Variants in ZNF618 observed in about 807,000 individuals in gnomAD.
The protein encoded by ZNF618 is neural precursor cell expressed, developmentally down-regulated 10.
Under a neutral mutation model 103.0 loss-of-function variants are expected in ZNF618, and 34 were observed. That is an observed-to-expected ratio of 0.33 (90% confidence interval 0.25 to 0.44). The LOEUF (loss-of-function observed/expected upper bound fraction) is 0.44, where lower values mean the gene tolerates loss of function less well. ZNF618 is among the 20% of genes least tolerant of loss of function. ZNF618 has a pLI of 1.00. For missense variants in ZNF618, 1,059 were observed against 1,295.4 expected (o/e 0.82, Z 2.80); for synonymous variants, 551 against 542.2 (o/e 1.02, Z -0.23).
intron 1 of ZNF618, among the ~76,000 whole-genome samples, chr9:113,953,992 A>T (rs1204897422): frequency 6.6e-6 from 1 of 152,144 alleles, no homozygotes; most frequent in African/African-American, 2.4e-5. Context: ...TGGGAATGGA[A>T]CCCAAAAGGA....
intron 1 of ZNF618, among the ~76,000 whole-genome samples, chr9:113,967,476 T>C (rs1012975542): frequency 6.6e-6 from 1 of 152,206 alleles, no homozygotes; most frequent in African/African-American, 2.4e-5. Flanking sequence ...TTCCCTTGTG[T>C]GGGAAACAGG....
At chr9:113,971,731 TA>T (rs1234726572) in intron 2 of ZNF618, among the ~76,000 whole-genome samples, 21 of 152,274 alleles carry the variant, frequency 1.4e-4, no homozygotes, top group African/African-American at 4.6e-4. Flanking sequence ...AATTGAGTAT[TA>T]TCCCCCTAAG....
At chr9:113,929,439 G>T (rs1833384490) in intron 1 of ZNF618, among the ~76,000 whole-genome samples, 1 of 152,198 alleles carries the variant, frequency 6.6e-6, no homozygotes, top group Admixed American at 6.5e-5. Context: ...TTGTTGTAAG[G>T]ATGGGAGTGA....
intron 2 of ZNF618, among the ~76,000 whole-genome samples, chr9:113,976,867 A>G (rs191466646): frequency 6.6e-6 from 1 of 152,332 alleles, no homozygotes; most frequent in East Asian, 1.9e-4. Context: ...CCTATTAGAT[A>G]TATGGCACTT....
chr9:113,951,440 T>TATATAC (rs1554732871), intron 1 of ZNF618, among the ~76,000 whole-genome samples: 1 of 29,464 alleles, frequency 3.4e-5, no homozygotes, highest in African/African-American at 9.0e-5. Flanking sequence ...TGTATATATA[T>TATATAC]ACATATATGT....
intron 10 of ZNF618, 77 bp downstream of exon 10, chr9:114,016,861 G>A (rs749926958): frequency 8.4e-7 from 1 of 1,194,720 alleles, no homozygotes; most frequent in Non-Finnish European, 1.2e-6. Context: ...CAGGCCTCTG[G>A]AATTTGGCCA....
chr9:113,912,972 T>C (rs1831694705), intron 1 of ZNF618, among the ~76,000 whole-genome samples: 1 of 152,154 alleles, frequency 6.6e-6, no homozygotes, highest in Admixed American at 6.6e-5. Flanking sequence ...CGGCTGTTAC[T>C]CCAGACATTC....
intron 10 of ZNF618, chr9:114,028,463 G>T (rs867364456): frequency 5.8e-6 from 3 of 517,626 alleles, no homozygotes; most frequent in African/African-American, 1.9e-5. Flanking sequence ...GAGCCAGTCA[G>T]TCCAGAGACT....
intron 1 of ZNF618, among the ~76,000 whole-genome samples, chr9:113,894,855 G>A (rs1190310350): frequency 6.6e-6 from 1 of 152,088 alleles, no homozygotes; most frequent in South Asian, 2.1e-4. Flanking sequence ...ACAGTTTCTT[G>A]TGGTTTCTAG....
At chr9:113,991,897 A>G (rs1840095970) in intron 3 of ZNF618, among the ~76,000 whole-genome samples, 1 of 152,200 alleles carries the variant, frequency 6.6e-6, no homozygotes, top group Admixed American at 6.5e-5. Context: ...GTGTAGCCCT[A>G]CGGAAGCAGG....
chr9:113,945,321 G>C (rs927676873), intron 1 of ZNF618, among the ~76,000 whole-genome samples: 2 of 152,204 alleles, frequency 1.3e-5, no homozygotes, highest in African/African-American at 4.8e-5. Context: ...CTCCAGACTA[G>C]ATTGTTGCCC....
chr9:113,923,132 C>G (rs1013371854), intron 1 of ZNF618, among the ~76,000 whole-genome samples: 6 of 152,218 alleles, frequency 3.9e-5, no homozygotes, highest in Middle Eastern at 6.8e-3. Context: ...AAGCAATTGA[C>G]TCTAGTATCC....
chr9:113,893,813 G>A (rs781671863), intron 1 of ZNF618, among the ~76,000 whole-genome samples: 1 of 151,876 alleles, frequency 6.6e-6, no homozygotes, highest in Non-Finnish European at 1.5e-5. Flanking sequence ...CAGTCCCAAC[G>A]AGAGATTATT....
intron 1 of ZNF618, among the ~76,000 whole-genome samples, chr9:113,887,454 C>T (rs1047418687): frequency 5.3e-5 from 8 of 152,138 alleles, no homozygotes; most frequent in South Asian, 2.1e-4. Context: ...ATTCCAAATT[C>T]GTTTTTGAGT....
chr9:113,949,401 T>A (rs1835333650), intron 1 of ZNF618, among the ~76,000 whole-genome samples: 2 of 152,174 alleles, frequency 1.3e-5, no homozygotes, highest in African/African-American at 4.8e-5. Flanking sequence ...CCCTGTCCTC[T>A]GTGTGGTCCG....
At chr9:113,984,901 C>T (rs767822549) in intron 2 of ZNF618, among the ~76,000 whole-genome samples, 8 of 152,206 alleles carry the variant, frequency 5.3e-5, no homozygotes, top group East Asian at 1.9e-4. Flanking sequence ...ACTCCCTCAC[C>T]GCCTGTATCC....
At chr9:114,021,283 GT>G (rs996944921) in intron 10 of ZNF618, among the ~76,000 whole-genome samples, 2 of 152,060 alleles carry the variant, frequency 1.3e-5, no homozygotes, top group Non-Finnish European at 2.9e-5. Flanking sequence ...TATTTCATAT[GT>G]ATACATTGTG....
intron 1 of ZNF618, among the ~76,000 whole-genome samples, chr9:113,947,197 C>T (rs1011324274): frequency 2.0e-5 from 3 of 152,160 alleles, no homozygotes; most frequent in Admixed American, 1.3e-4. Context: ...TTAGTGAATC[C>T]TTTCTACACT....
intron 10 of ZNF618, among the ~76,000 whole-genome samples, chr9:114,026,892 G>C (rs949726853): frequency 4.6e-5 from 7 of 152,128 alleles, no homozygotes; most frequent in Non-Finnish European, 8.8e-5. Context: ...GGCCGAGAGA[G>C]GGGAGGTATA....
Sources: gnomAD v4.1 joint callset for allele counts (sites outside exome capture counted in the v4.1 genomes callset) on GRCh38, gnomAD v4.1.1 for gene constraint, MANE v1.5 for transcripts, NCBI Gene and HGNC (gene_info 2026-07-23, HGNC 2026-07-21) for gene names.